The following TSHZ2 variants were observed in gnomAD, a reference collection of about 807,000 sequenced individuals.
TSHZ2 encodes the protein teashirt zinc finger homeobox 2.
A neutral mutation model predicts 74.4 loss-of-function variants in TSHZ2; 21 were observed. The ratio of observed to expected loss-of-function variants is 0.28; its 90% confidence interval spans 0.20 to 0.41. The LOEUF is 0.41. Among genes scored for constraint, TSHZ2 ranks in the 10% least tolerant of loss-of-function variants. The pLI is 1.00. For missense variants in TSHZ2, 1,244 were observed against 1,293.5 expected (o/e 0.96, Z 0.59); for synonymous variants, 540 against 515.3 (o/e 1.05, Z -0.65).
intron 1 of TSHZ2, among the ~76,000 whole-genome samples, chr20:53,192,206 TG>T (rs1393255388): frequency 1.3e-5 from 2 of 151,850 alleles, no homozygotes; most frequent in African/African-American, 4.8e-5. Flanking sequence ...TCATTGTACC[TG>T]TTAAATAGAC....
In TSHZ2 at chr20:53,327,146, C is replaced by A. The variant is rs183882576; in HGVS notation, c.*8+70575C>A. Among the ~76,000 whole-genome samples, 25 of 152,278 alleles carry A rather than the reference C, an allele frequency of 1.6e-4. No homozygotes were observed. In the East Asian group the frequency reaches 4.6e-3, roughly 28 times the overall value. On this transcript the variant is annotated intron_variant, in intron 2 of 2. Coordinates refer to ENST00000371497, the MANE Select transcript of TSHZ2 (RefSeq NM_173485.6). Reference sequence around the variant, plus strand: ...AAGTACACAGCCCCTGATAGCGAGACCAAGCTTGACCATCCACATTTGTTC... The same window carrying A: ...AAGTACACAGCCCCTGATAGCGAGAACAAGCTTGACCATCCACATTTGTTC...
chr20:53,060,841 T>C (rs571730277), intron 1 of TSHZ2, among the ~76,000 whole-genome samples: 2 of 152,332 alleles, frequency 1.3e-5, no homozygotes, highest in Admixed American at 1.3e-4. Flanking sequence ...TTTTTCACCA[T>C]ATCCTGGCAG....
At chr20:53,423,778 A>G (rs1417789036) in intron 2 of TSHZ2, among the ~76,000 whole-genome samples, 2 of 152,258 alleles carry the variant, frequency 1.3e-5, no homozygotes, top group Non-Finnish European at 2.9e-5. Flanking sequence ...AGGATAGTCA[A>G]CAACTGGTCC....
At position 53,254,283 on chromosome 20, in the gene TSHZ2, G is replaced by C. The variant is rs2123722548; in HGVS notation, c.825G>C (p.Leu275=). ...DMDKEDAQKV[L]KCMFCGDSFD... Reference sequence around the variant, plus strand: ...ACAAAGAGGATGCTCAAAAGGTTCTGAAATGTATGTTTTGTGGCGACTCCT... The same window carrying C: ...ACAAAGAGGATGCTCAAAAGGTTCTCAAATGTATGTTTTGTGGCGACTCCT... Residue 275 remains leucine, a synonymous_variant, in exon 2 of 3, where the codon CTG becomes CTC. Transcript: ENST00000371497. The C allele has an allele frequency of 6.2e-7, 1 of 1,614,158 alleles. No individual in the cohort carries two copies. Among genetic ancestry groups the C allele is most frequent in the South Asian group, 1.1e-5 (1 of 91,064 alleles).
intron 2 of TSHZ2, among the ~76,000 whole-genome samples, chr20:53,455,809 T>G: frequency 1.4e-5 from 2 of 147,638 alleles, no homozygotes; most frequent in South Asian, 2.2e-4. Flanking sequence ...GAATATGCAG[T>G]GTTTGGTTTT....
intron 1 of TSHZ2, among the ~76,000 whole-genome samples, chr20:53,163,360 CTTTTTTTTTTTT>C (rs55685519): frequency 7.6e-5 from 5 of 65,636 alleles, no homozygotes; most frequent in South Asian, 1.8e-3. Context: ...CTCTCTGTCT[CTTTTTTTTTTTT>C]TTTTTTTTTT....
At chr20:53,252,817 C>T (rs762411240) in intron 1 of TSHZ2, among the ~76,000 whole-genome samples, 3 of 152,154 alleles carry the variant, frequency 2.0e-5, no homozygotes, top group Non-Finnish European at 4.4e-5. Context: ...CATTCTAGCA[C>T]CATTTGCGAT....
intron 1 of TSHZ2, among the ~76,000 whole-genome samples, chr20:53,044,527 C>T (rs561370632): frequency 2.6e-5 from 4 of 152,276 alleles, no homozygotes; most frequent in East Asian, 1.9e-4. Flanking sequence ...CGGCCATCAG[C>T]GTGTCAGTGG....
intron 1 of TSHZ2, among the ~76,000 whole-genome samples, chr20:53,193,544 G>A (rs1988792116): frequency 6.6e-6 from 1 of 152,034 alleles, no homozygotes; most frequent in Non-Finnish European, 1.5e-5. Flanking sequence ...ACTGGAACCA[G>A]ATCTGTCTCG....
rs141253422 is a variant in TSHZ2 at position 53,399,982 on chromosome 20, T to TG, written c.*9-87160dup. The TG allele has an allele frequency of 0.015, 2,359 of 152,510 alleles. 98 individuals are homozygous for TG. The East Asian group carries it at 0.17, about 11-fold the overall frequency. 9.4% of individuals were successfully genotyped at this position (152,510 alleles called of 1,614,324 possible). ...TCACTGTAGAGTGCAGAGTATAGACTGGCCACTCACTGTAGAGTCCTGACC... is the reference window on the plus strand; with the variant it reads ...TCACTGTAGAGTGCAGAGTATAGACTGGGCCACTCACTGTAGAGTCCTGACC... On this transcript the variant is annotated intron_variant, in intron 2 of 2. Transcript: ENST00000371497.
At chr20:53,229,195 T>A (rs571181139) in intron 1 of TSHZ2, among the ~76,000 whole-genome samples, 16 of 152,036 alleles carry the variant, frequency 1.1e-4, no homozygotes, top group African/African-American at 3.9e-4. Context: ...TAAATTGTAA[T>A]GAATGAGCCC....
intron 2 of TSHZ2, among the ~76,000 whole-genome samples, chr20:53,448,145 C>T (rs201946844): frequency 3.9e-5 from 6 of 152,242 alleles, no homozygotes; most frequent in Middle Eastern, 3.4e-3. Context: ...GATCTGACCT[C>T]GTGATCCGCC....
chr20:53,391,450 T>TG (rs1424028068), intron 2 of TSHZ2, among the ~76,000 whole-genome samples: 16 of 151,566 alleles, frequency 1.1e-4, no homozygotes, highest in Admixed American at 5.3e-4. Flanking sequence ...AGGCCGTTTT[T>TG]TTTGTTTGTT....
At chr20:53,210,223 C>T (rs575130581) in intron 1 of TSHZ2, among the ~76,000 whole-genome samples, 6 of 152,322 alleles carry the variant, frequency 3.9e-5, no homozygotes, top group South Asian at 2.1e-4. Flanking sequence ...CTGCCATCCA[C>T]GGATGGCTAG....
At chr20:52,994,706 C>T (rs772027792) in intron 1 of TSHZ2, among the ~76,000 whole-genome samples, 4 of 152,070 alleles carry the variant, frequency 2.6e-5, no homozygotes, top group Non-Finnish European at 5.9e-5. Flanking sequence ...CATAATGTGC[C>T]GTGAAGTTCT....
intron 1 of TSHZ2, among the ~76,000 whole-genome samples, chr20:53,219,032 C>A (rs2123634838): frequency 6.6e-6 from 1 of 152,250 alleles, no homozygotes; most frequent in African/African-American, 2.4e-5. Context: ...TGCTAAGCCC[C>A]CAGCTGCACT....
At chr20:53,189,108 T>C (rs1433196765) in intron 1 of TSHZ2, among the ~76,000 whole-genome samples, 1 of 152,192 alleles carries the variant, frequency 6.6e-6, no homozygotes, top group African/African-American at 2.4e-5. Flanking sequence ...TATGACAAGG[T>C]GTACAAATGT....
At chr20:53,179,002 G>A (rs995514307) in intron 1 of TSHZ2, 1 of 152,102 alleles carries the variant, frequency 6.6e-6, no homozygotes, top group East Asian at 1.9e-4. Flanking sequence ...GTTTTAGTGT[G>A]ATTTTTTTAA....
At chr20:53,234,108 A>G (rs1468451970) in intron 1 of TSHZ2, among the ~76,000 whole-genome samples, 1 of 152,156 alleles carries the variant, frequency 6.6e-6, no homozygotes, top group African/African-American at 2.4e-5. Flanking sequence ...TCTACCCTTA[A>G]ATTGACTTCT....
Sources: allele counts gnomAD v4.1 joint callset (sites outside exome capture counted in the v4.1 genomes callset), GRCh38; gene constraint gnomAD v4.1.1; transcripts MANE v1.5; gene names NCBI Gene and HGNC (gene_info 2026-07-23, HGNC 2026-07-21).